ADGRB3: variants seen among roughly 807,000 people sequenced by gnomAD.
The protein encoded by ADGRB3 is adhesion G protein-coupled receptor B3.
A neutral mutation model predicts 193.4 loss-of-function variants in ADGRB3; 37 were observed. The observed-to-expected ratio is 0.19, with a 90% CI of 0.15 to 0.25. The LOEUF is 0.25. Among genes scored for constraint, ADGRB3 ranks in the 10% least tolerant of loss-of-function variants. The pLI is 1.00. For synonymous variants in ADGRB3, 690 were observed against 644.2 expected (o/e 1.07, Z -1.08); for missense variants, 1,637 against 1,852.9 (o/e 0.88, Z 2.14).
chr6:68,744,549 A>T (rs548779571), intron 3 of ADGRB3, among the ~76,000 whole-genome samples: 74 of 152,332 alleles, frequency 4.9e-4, no homozygotes, highest in Non-Finnish European at 8.4e-4. Context: ...GTGGAATACT[A>T]TGCAGCCATA....
intron 17 of ADGRB3, among the ~76,000 whole-genome samples, chr6:69,173,258 GA>G (rs1486939669): frequency 6.6e-6 from 1 of 152,142 alleles, no homozygotes; most frequent in Non-Finnish European, 1.5e-5. Flanking sequence ...GGTTGGTCTC[GA>G]ACTCCTGACC....
chr6:69,167,814 G>A (rs1411338496), intron 17 of ADGRB3, among the ~76,000 whole-genome samples: 1 of 152,118 alleles, frequency 6.6e-6, no homozygotes, highest in Non-Finnish European at 1.5e-5. Context: ...GAAGGCCTAA[G>A]CCAACATCAC....
chr6:69,239,003 G>T, intron 19 of ADGRB3, 121 bp from the exon 20 acceptor site: 1 of 483,004 alleles, frequency 2.1e-6, no homozygotes, highest in South Asian at 5.7e-5. Context: ...TTTTATTTTT[G>T]TAAATATTCC....
rs146877177 is a variant in ADGRB3 at position 68,821,161 on chromosome 6, A to G, written c.758-109398A>G. On this transcript the variant is annotated intron_variant, in intron 3 of 31. Coordinates refer to ENST00000370598, the MANE Select transcript of ADGRB3 (RefSeq NM_001704.3). The stretch of plus-strand genomic sequence containing the variant: ...AATAACAGGACATAGAAAATACTTT[A>G]TAAATATTAATCAAATAAACAACTT... Among the ~76,000 whole-genome samples the G allele has an allele frequency of 2.6e-3, 397 of 152,226 alleles. 2 individuals are homozygous for G. Among genetic ancestry groups the G allele is most frequent in the African/African-American group, 9.2e-3 (381 of 41,584 alleles).
chr6:69,061,854 G>A (rs1014231860), intron 15 of ADGRB3, among the ~76,000 whole-genome samples: 3 of 152,064 alleles, frequency 2.0e-5, no homozygotes, highest in African/African-American at 7.2e-5. Flanking sequence ...TGAGAAAACT[G>A]TTTAGGGTAA....
At chr6:68,760,920 T>C (rs905975435) in intron 3 of ADGRB3, among the ~76,000 whole-genome samples, 1 of 152,220 alleles carries the variant, frequency 6.6e-6, no homozygotes, top group African/African-American at 2.4e-5. Flanking sequence ...AAAGGAAATA[T>C]TCAAATACTA....
At chr6:69,035,210 T>G (rs1260380011) in intron 13 of ADGRB3, among the ~76,000 whole-genome samples, 2 of 152,088 alleles carry the variant, frequency 1.3e-5, no homozygotes, top group Non-Finnish European at 2.9e-5. Flanking sequence ...ATGAGGTAAT[T>G]CGCTGGTATG....
At chr6:68,643,310 T>C (rs1054659850) in intron 3 of ADGRB3, among the ~76,000 whole-genome samples, 17 of 152,292 alleles carry the variant, frequency 1.1e-4, no homozygotes, top group Admixed American at 1.0e-3. Flanking sequence ...TAGGGACATA[T>C]TTGCAATCTA....
intron 3 of ADGRB3, among the ~76,000 whole-genome samples, chr6:68,895,058 A>G (rs1284014223): frequency 6.6e-6 from 1 of 151,986 alleles, no homozygotes; most frequent in Non-Finnish European, 1.5e-5. Flanking sequence ...GGTATTAAAT[A>G]TACTTTTTAA....
intron 17 of ADGRB3, among the ~76,000 whole-genome samples, chr6:69,153,039 A>C (rs2150341862): frequency 6.6e-6 from 1 of 152,270 alleles, no homozygotes; most frequent in Non-Finnish European, 1.5e-5. Context: ...ATAAGCAATA[A>C]CATGTAGCTA....
At chr6:69,177,498 A>G (rs1775459674) in intron 17 of ADGRB3, among the ~76,000 whole-genome samples, 1 of 152,084 alleles carries the variant, frequency 6.6e-6, no homozygotes, top group Admixed American at 6.5e-5. Context: ...CAGGGACTAC[A>G]GGTGCCTGCC....
intron 20 of ADGRB3, among the ~76,000 whole-genome samples, chr6:69,246,517 CA>C (rs1285800670): frequency 1.3e-5 from 2 of 152,090 alleles, no homozygotes; most frequent in African/African-American, 4.8e-5. Flanking sequence ...GATGATTTCC[CA>C]AAACAGATTC....
chr6:68,698,263 GAAAA>G (rs1309481329), intron 3 of ADGRB3, among the ~76,000 whole-genome samples: 1 of 151,860 alleles, frequency 6.6e-6, no homozygotes, highest in African/African-American at 2.4e-5. Context: ...TGGTAGTGCG[GAAAA>G]CTGGGAAAGG....
intron 20 of ADGRB3, among the ~76,000 whole-genome samples, chr6:69,282,422 G>C (rs1767456430): frequency 6.6e-6 from 1 of 152,152 alleles, no homozygotes; most frequent in Non-Finnish European, 1.5e-5. Context: ...CAAATTTAAT[G>C]AAGGCACGGG....
Position 69,105,001 on chromosome 6 carries a change from G to A in ADGRB3, c.2480+28963G>A, listed in dbSNP as rs571488694. Reference sequence around the variant, plus strand: ...AAGTGTTTTAACATTGTAGTTTATAGCAAATGACTTAATAATTGATCCTCA... The same window carrying A: ...AAGTGTTTTAACATTGTAGTTTATAACAAATGACTTAATAATTGATCCTCA... On this transcript the variant is annotated intron_variant, in intron 17 of 31. Coordinates refer to ENST00000370598, the MANE Select transcript of ADGRB3 (RefSeq NM_001704.3). Among the ~76,000 whole-genome samples the A allele has an allele frequency of 3.8e-4, 58 of 152,200 alleles. 1 individual carries two copies. Among genetic ancestry groups the A allele is most frequent in the African/African-American group, 1.3e-3 (56 of 41,528 alleles).
intron 17 of ADGRB3, among the ~76,000 whole-genome samples, chr6:69,155,706 T>TCTAC (rs1774816029): frequency 2.0e-5 from 3 of 152,206 alleles, no homozygotes; most frequent in Non-Finnish European, 2.9e-5. Context: ...ACAGGTTACC[T>TCTAC]CTACCATTTG....
At chr6:69,041,885 C>G (rs1318445450) in intron 13 of ADGRB3, among the ~76,000 whole-genome samples, 2 of 152,184 alleles carry the variant, frequency 1.3e-5, no homozygotes, top group Admixed American at 6.5e-5. Flanking sequence ...AGCCACCATG[C>G]CTGGCCATGA....
At chr6:69,114,884 A>G (rs1004679200) in intron 17 of ADGRB3, among the ~76,000 whole-genome samples, 2 of 152,202 alleles carry the variant, frequency 1.3e-5, no homozygotes, top group Admixed American at 6.5e-5. Flanking sequence ...GCAAATCAAA[A>G]CCACAATGAG....
chr6:69,152,634 G>A (rs1561935889), intron 17 of ADGRB3, among the ~76,000 whole-genome samples: 1 of 152,122 alleles, frequency 6.6e-6, no homozygotes, highest in Non-Finnish European at 1.5e-5. Flanking sequence ...AAATCCACAT[G>A]TGTTAAGTGC....
Sources: gnomAD v4.1 joint callset for allele counts (sites outside exome capture counted in the v4.1 genomes callset) on GRCh38, gnomAD v4.1.1 for gene constraint, MANE v1.5 for transcripts, NCBI Gene and HGNC (gene_info 2026-07-23, HGNC 2026-07-21) for gene names.